Variants in BCAR3 observed in about 807,000 individuals in gnomAD.
The protein encoded by BCAR3 is breast cancer anti-estrogen resistance protein 3.
In BCAR3, 37 loss-of-function variants were observed where a neutral mutation model predicts 80.1. That is an observed-to-expected ratio of 0.46 (90% confidence interval 0.36 to 0.61). The LOEUF is 0.61. Among genes scored for constraint, BCAR3 ranks in the 20% least tolerant of loss-of-function variants. The pLI is 0.00. For synonymous variants in BCAR3, 389 were observed against 418.9 expected (o/e 0.93, Z 0.87); for missense variants, 978 against 1,068.2 (o/e 0.92, Z 1.18).
At chr1:93,806,289 A>C (rs1653650691) in intron 2 of BCAR3, among the ~76,000 whole-genome samples, 2 of 152,208 alleles carry the variant, frequency 1.3e-5, no homozygotes, top group African/African-American at 4.8e-5. Context: ...ACTCAAAGAG[A>C]GGCCAGATGG....
intron 2 of BCAR3, among the ~76,000 whole-genome samples, chr1:93,830,104 G>A (rs11165014): frequency 0.097 from 14,827 of 152,192 alleles, 912 homozygotes; most frequent in East Asian, 0.18. Context: ...CCAAGCAGAT[G>A]CTAGCATCAT....
At chr1:93,578,104 C>T (rs984501872) in intron 7 of BCAR3, among the ~76,000 whole-genome samples, 1 of 152,232 alleles carries the variant, frequency 6.6e-6, no homozygotes, top group Admixed American at 6.5e-5. Flanking sequence ...GATGAGGCTT[C>T]CTTCTGCCCT....
intron 2 of BCAR3, among the ~76,000 whole-genome samples, chr1:93,650,469 T>C (rs1676288055): frequency 6.6e-6 from 1 of 152,222 alleles, no homozygotes; most frequent in Non-Finnish European, 1.5e-5. Context: ...CCAGACTACC[T>C]GGTTTCAAAT....
chr1:93,734,496 C>T (rs1481807901), intron 2 of BCAR3, among the ~76,000 whole-genome samples: 1 of 152,128 alleles, frequency 6.6e-6, no homozygotes, highest in Non-Finnish European at 1.5e-5. Flanking sequence ...TGTGCTCTGA[C>T]CTGGGCTGAC....
intron 3 of BCAR3, among the ~76,000 whole-genome samples, chr1:93,629,862 C>T (rs1309810346): frequency 6.6e-6 from 1 of 152,184 alleles, no homozygotes; most frequent in Non-Finnish European, 1.5e-5. Flanking sequence ...ACAACAGCAA[C>T]CCCACAGTTT....
At chr1:93,766,169 T>A (rs1449870272) in intron 2 of BCAR3, among the ~76,000 whole-genome samples, 2 of 152,166 alleles carry the variant, frequency 1.3e-5, no homozygotes, top group South Asian at 2.1e-4. Context: ...CAGTACCAGG[T>A]CACAGAGATG....
intron 3 of BCAR3, among the ~76,000 whole-genome samples, chr1:93,634,493 A>C (rs1300609453): frequency 6.6e-6 from 1 of 152,042 alleles, no homozygotes; most frequent in Non-Finnish European, 1.5e-5. Context: ...GGAGTGCGAG[A>C]CCAGGCTGGC....
At chr1:93,625,546 T>C (rs1020237871) in intron 3 of BCAR3, among the ~76,000 whole-genome samples, 4 of 152,164 alleles carry the variant, frequency 2.6e-5, no homozygotes, top group African/African-American at 9.7e-5. Context: ...ATTTCTTCTG[T>C]ACAAAAAGCT....
At chr1:93,783,834 G>A (rs886071321) in intron 2 of BCAR3, among the ~76,000 whole-genome samples, 10 of 152,202 alleles carry the variant, frequency 6.6e-5, no homozygotes, top group Admixed American at 3.9e-4. Context: ...CAAGGACAGT[G>A]TAGTCAGTAT....
chr1:93,649,743 C>T (rs61645528), intron 2 of BCAR3, among the ~76,000 whole-genome samples: 71,051 of 151,284 alleles, frequency 0.47, 17,538 homozygotes, highest in Non-Finnish European at 0.55. Flanking sequence ...CTAACGAATG[C>T]TATAATTAAA....
intron 11 of BCAR3, among the ~76,000 whole-genome samples, chr1:93,566,902 A>G (rs1672975289): frequency 6.6e-6 from 1 of 151,828 alleles, no homozygotes; most frequent in Admixed American, 6.6e-5. Flanking sequence ...TAATTTTTGT[A>G]TTTCTATTAG....
intron 2 of BCAR3, among the ~76,000 whole-genome samples, chr1:93,809,428 A>G (rs1414529717): frequency 1.3e-5 from 2 of 152,018 alleles, no homozygotes; most frequent in East Asian, 3.9e-4. Context: ...GGGGCAGGTA[A>G]CTTCTATTTC....
At chr1:93,773,686 AACTGT>A (rs1652438175) in intron 2 of BCAR3, among the ~76,000 whole-genome samples, 1 of 152,172 alleles carries the variant, frequency 6.6e-6, no homozygotes. Flanking sequence ...ATCAGCAGTG[AACTGT>A]GTCCAAAGCT....
intron 7 of BCAR3, among the ~76,000 whole-genome samples, chr1:93,579,173 G>A (rs557048248): frequency 4.1e-4 from 63 of 152,334 alleles, no homozygotes; most frequent in African/African-American, 1.5e-3. Context: ...CTGGGCATCT[G>A]CCCACATGGC....
intron 2 of BCAR3, among the ~76,000 whole-genome samples, chr1:93,777,574 A>G (rs908628587): frequency 1.5e-4 from 23 of 150,092 alleles, no homozygotes; most frequent in African/African-American, 5.0e-5. Context: ...GGCATGCACC[A>G]CTGTGCCTGG....
intron 2 of BCAR3, among the ~76,000 whole-genome samples, chr1:93,732,335 C>T (rs1224382133): frequency 1.3e-5 from 2 of 152,172 alleles, no homozygotes; most frequent in African/African-American, 4.8e-5. Flanking sequence ...GAAGATCTGG[C>T]CAGGTGCAGT....
rs758917342 is a variant in BCAR3, at chr1:93,674,868, CA to C, written c.62del (p.Leu21ArgfsTer8). 3.2e-6 allele frequency: 5 copies of C among 1,585,274 alleles called. No individual in the cohort carries two copies. Among genetic ancestry groups the C allele is most frequent in the Admixed American group, 1.9e-5 (1 of 51,772 alleles). ...RNMPVNHQFP[L>X]ASSMDLLSSR... The stretch of plus-strand genomic sequence containing the variant: ...TGCTCAGAAGGTCCATGGATGAGGC[CA>C]GGGGGAACTGGTGATTCACCGGCAT... On this transcript the variant is annotated frameshift_variant, in exon 2 of 12. Coordinates refer to ENST00000260502, the MANE Select transcript of BCAR3 (RefSeq NM_003567.4). LOFTEE classifies it high-confidence loss of function.
At chr1:93,615,004 CTTTTT>C (rs912095250) in intron 3 of BCAR3, among the ~76,000 whole-genome samples, 1 of 122,020 alleles carries the variant, frequency 8.2e-6, no homozygotes, top group Non-Finnish European at 1.7e-5. Flanking sequence ...TCAACGAGTT[CTTTTT>C]TTTTTTTTTT....
intron 3 of BCAR3, among the ~76,000 whole-genome samples, chr1:93,601,042 G>A (rs1674604980): frequency 1.3e-5 from 2 of 152,074 alleles, no homozygotes; most frequent in Non-Finnish European, 2.9e-5. Flanking sequence ...GTGACCTTGG[G>A]CCATCTCTAC....
Sources: gnomAD v4.1 joint callset for allele counts (sites outside exome capture counted in the v4.1 genomes callset) on GRCh38, gnomAD v4.1.1 for gene constraint, MANE v1.5 for transcripts, NCBI Gene and HGNC (gene_info 2026-07-23, HGNC 2026-07-21) for gene names.